The following MAGI2 variants were observed in gnomAD, a reference collection of about 807,000 sequenced individuals.
The protein encoded by MAGI2 is membrane-associated guanylate kinase, WW and PDZ domain-containing protein 2.
MAGI2 carries 35 observed loss-of-function variants against 133.3 expected under a neutral mutation model. That is an observed-to-expected ratio of 0.26 (90% confidence interval 0.20 to 0.35). MAGI2 has a LOEUF of 0.35. Ranked by LOEUF, MAGI2 falls within the 10% of genes least tolerant of loss-of-function variation. The pLI is 1.00. For synonymous variants in MAGI2, 729 were observed against 710.6 expected (o/e 1.03, Z -0.41); for missense variants, 1,636 against 1,863.4 (o/e 0.88, Z 2.25).
intron 20 of MAGI2, among the ~76,000 whole-genome samples, chr7:78,099,971 T>TA (rs1273543867): frequency 3.3e-5 from 5 of 152,226 alleles, no homozygotes; most frequent in Admixed American, 2.0e-4. Context: ...CACTGATTCT[T>TA]ACACTCTTCT....
chr7:78,421,718 TGATTGAGGCTGGGA>T (rs1375499108), intron 6 of MAGI2, among the ~76,000 whole-genome samples: 2 of 152,088 alleles, frequency 1.3e-5, no homozygotes, highest in African/African-American at 4.8e-5. Flanking sequence ...GTGGGAGGAT[TGATTGAGGCTGGGA>T]GATTGAGGCT....
At chr7:78,603,494 T>C (rs1805436415) in intron 3 of MAGI2, among the ~76,000 whole-genome samples, 1 of 152,162 alleles carries the variant, frequency 6.6e-6, no homozygotes, top group Non-Finnish European at 1.5e-5. Context: ...GATTTGAAGC[T>C]TTCTTGATCT....
chr7:78,876,081 G>A (rs1321672585), intron 2 of MAGI2, among the ~76,000 whole-genome samples: 5 of 152,006 alleles, frequency 3.3e-5, no homozygotes. Flanking sequence ...CCAGCACCTT[G>A]GGAGGCCAAG....
At chr7:79,021,963 G>A (rs1294473070) in intron 1 of MAGI2, among the ~76,000 whole-genome samples, 2 of 152,110 alleles carry the variant, frequency 1.3e-5, no homozygotes, top group Non-Finnish European at 2.9e-5. Flanking sequence ...GACAGTGAGC[G>A]AGTTCTCTCA....
chr7:78,954,193 G>T (rs1456963451), intron 2 of MAGI2, among the ~76,000 whole-genome samples: 11 of 152,068 alleles, frequency 7.2e-5, no homozygotes, highest in Non-Finnish European at 1.5e-4. Flanking sequence ...TACAGACACT[G>T]TAAGCCCCGG....
intron 7 of MAGI2, among the ~76,000 whole-genome samples, chr7:78,367,832 A>G (rs1793535851): frequency 6.6e-6 from 1 of 152,194 alleles, no homozygotes; most frequent in Non-Finnish European, 1.5e-5. Flanking sequence ...GACCGTAACT[A>G]TGTTATTTAA....
chr7:79,009,393 G>A (rs974766676), intron 1 of MAGI2, among the ~76,000 whole-genome samples: 1 of 151,866 alleles, frequency 6.6e-6, no homozygotes, highest in Non-Finnish European at 1.5e-5. Context: ...AATTAAATGA[G>A]TTGTCATAAA....
At chr7:78,995,807 G>A (rs1806231608) in intron 2 of MAGI2, among the ~76,000 whole-genome samples, 1 of 152,024 alleles carries the variant, frequency 6.6e-6, no homozygotes. Flanking sequence ...TTCTGTTACA[G>A]AGCTGCTTTC....
intron 3 of MAGI2, among the ~76,000 whole-genome samples, chr7:78,535,837 T>C (rs1797840629): frequency 6.6e-6 from 1 of 151,598 alleles, no homozygotes. Flanking sequence ...TGACACCACC[T>C]AGATCGAGAA....
chr7:78,060,420 C>T (rs3823799), intron 21 of MAGI2, among the ~76,000 whole-genome samples: 110,637 of 152,184 alleles, frequency 0.73, 40,420 homozygotes, highest in East Asian at 0.88. Context: ...CATTCACTTA[C>T]TTATTCAGTC....
intron 1 of MAGI2, among the ~76,000 whole-genome samples, chr7:79,317,014 T>TTTTTC: frequency 6.9e-6 from 1 of 145,984 alleles, no homozygotes; most frequent in East Asian, 2.0e-4. Context: ...TTTTTTTTTC[T>TTTTTC]TTTTCTTTTT....
chr7:79,091,371 T>G (rs901003979), intron 1 of MAGI2, among the ~76,000 whole-genome samples: 1 of 152,098 alleles, frequency 6.6e-6, no homozygotes, highest in Admixed American at 6.6e-5. Context: ...ACAAACACAA[T>G]TCATCTAAAA....
At chr7:79,413,187 A>T (rs1377047264) in intron 1 of MAGI2, 1 of 152,140 alleles carries the variant, frequency 6.6e-6, no homozygotes, top group African/African-American at 2.4e-5. Context: ...ACATTTAAAA[A>T]TATTTTACAG....
At chr7:78,440,813 C>T (rs184546956) in intron 6 of MAGI2, among the ~76,000 whole-genome samples, 140 of 152,030 alleles carry the variant, frequency 9.2e-4, no homozygotes, top group Admixed American at 1.5e-3. Flanking sequence ...ATTAGCCAGG[C>T]GTGGTAGTGG....
At chr7:79,263,786 C>A (rs983506826) in intron 1 of MAGI2, among the ~76,000 whole-genome samples, 2 of 151,932 alleles carry the variant, frequency 1.3e-5, no homozygotes, top group Non-Finnish European at 2.9e-5. Flanking sequence ...CTTATTATAT[C>A]TGAATAACAA....
intron 10 of MAGI2, among the ~76,000 whole-genome samples, chr7:78,244,437 CAAATT>C (rs1791542366): frequency 6.6e-6 from 1 of 151,780 alleles, no homozygotes; most frequent in Non-Finnish European, 1.5e-5. Context: ...CAAACCAAAC[CAAATT>C]AAACAAAAAA....
At chr7:78,567,295 C>T (rs1221590414) in intron 3 of MAGI2, among the ~76,000 whole-genome samples, 1 of 152,056 alleles carries the variant, frequency 6.6e-6, no homozygotes, top group Non-Finnish European at 1.5e-5. Context: ...TGGAATTGCT[C>T]TATTCCAAGT....
intron 3 of MAGI2, among the ~76,000 whole-genome samples, chr7:78,568,559 T>C (rs1224169970): frequency 6.6e-6 from 1 of 152,176 alleles, no homozygotes; most frequent in Non-Finnish European, 1.5e-5. Flanking sequence ...TCCGGTTTTA[T>C]TAGTAATTCT....
At chr7:78,490,319 G>A (rs921337119) in intron 5 of MAGI2, among the ~76,000 whole-genome samples, 16 of 151,920 alleles carry the variant, frequency 1.1e-4, no homozygotes, top group African/African-American at 3.9e-4. Flanking sequence ...CATGTTCTTG[G>A]GATTCCTGCA....
Sources: allele counts gnomAD v4.1 joint callset (sites outside exome capture counted in the v4.1 genomes callset), GRCh38; gene constraint gnomAD v4.1.1; transcripts MANE v1.5; gene names NCBI Gene and HGNC (gene_info 2026-07-23, HGNC 2026-07-21).